TMEM132C: variants seen among roughly 807,000 people sequenced by gnomAD.
TMEM132C encodes transmembrane protein 132C.
In TMEM132C, 29 loss-of-function variants were observed where a neutral mutation model predicts 61.4. That is an observed-to-expected ratio of 0.47 (90% CI 0.35 to 0.64). The LOEUF (loss-of-function observed/expected upper bound fraction) is 0.64, where lower values mean the gene tolerates loss of function less well. Among genes scored for constraint, TMEM132C ranks in the 30% least tolerant of loss-of-function variants. The pLI, the probability that TMEM132C is intolerant of heterozygous loss-of-function variation, is 0.00. For synonymous variants in TMEM132C, 656 were observed against 633.1 expected (o/e 1.04, Z -0.54); for missense variants, 1,408 against 1,476.9 (o/e 0.95, Z 0.76).
At chr12:128,568,889 G>A (rs1268217606) in intron 3 of TMEM132C, among the ~76,000 whole-genome samples, 5 of 152,294 alleles carry the variant, frequency 3.3e-5, no homozygotes, top group Non-Finnish European at 7.3e-5. Flanking sequence ...GTTACCATGG[G>A]TTCTTTATGC....
intron 1 of TMEM132C, among the ~76,000 whole-genome samples, chr12:128,294,488 A>T (rs1043555720): frequency 6.6e-6 from 1 of 152,186 alleles, no homozygotes; most frequent in Non-Finnish European, 1.5e-5. Flanking sequence ...TGGCACTCTG[A>T]GCATGGGAAG....
At chr12:128,665,603 A>T (rs1316589715) in intron 4 of TMEM132C, among the ~76,000 whole-genome samples, 1 of 146,194 alleles carries the variant, frequency 6.8e-6, no homozygotes, top group Non-Finnish European at 1.5e-5. Context: ...ACAGGCACTC[A>T]CACATACCCA....
At chr12:128,469,517 A>G (rs972068882) in intron 2 of TMEM132C, among the ~76,000 whole-genome samples, 6 of 151,716 alleles carry the variant, frequency 4.0e-5, no homozygotes, top group Admixed American at 3.3e-4. Flanking sequence ...GGGTTTTGCT[A>G]TGTTGCCCAG....
intron 2 of TMEM132C, among the ~76,000 whole-genome samples, chr12:128,493,137 T>G (rs1274902441): frequency 1.3e-5 from 2 of 152,184 alleles, no homozygotes; most frequent in East Asian, 3.9e-4. Context: ...TTTTGTCAGG[T>G]TTGTCAAAGA....
In TMEM132C at chr12:128,449,293, G is replaced by A. The variant is rs143145546; in HGVS notation, c.974+33673G>A. Among the ~76,000 whole-genome samples, 1,118 of 152,170 alleles carry A rather than the reference G, an allele frequency of 7.3e-3. 11 individuals carry two copies. Among genetic ancestry groups the A allele is most frequent in the Middle Eastern group, 0.014 (4 of 294 alleles). The stretch of plus-strand genomic sequence containing the variant: ...GGGGGCATGTGCTCTCGGCTCCATC[G>A]TAGCTCCAGTCACTCCCTATAGTGC... On this transcript the variant is annotated intron_variant, in intron 2 of 8. Transcript: ENST00000435159.
chr12:128,636,564 T>TTGTGTGTGTGTG (rs61201583), intron 4 of TMEM132C, among the ~76,000 whole-genome samples: 47 of 142,346 alleles, frequency 3.3e-4, no homozygotes, highest in African/African-American at 1.2e-3. Flanking sequence ...GGGTTTTTGT[T>TTGTGTGTGTGTG]TGTGTGTGTG....
chr12:128,311,731 C>A (rs559129607), intron 1 of TMEM132C, among the ~76,000 whole-genome samples: 2 of 152,234 alleles, frequency 1.3e-5, no homozygotes, highest in African/African-American at 4.8e-5. Context: ...CACTTCACGT[C>A]GGTCCTGGCT....
At position 128,415,294 on chromosome 12, in the gene TMEM132C, G is replaced by A. The variant is rs1868729675; in HGVS notation, c.648G>A (p.Lys216=). The A allele has an allele frequency of 6.3e-7, 1 of 1,597,560 alleles. No homozygotes were observed. The highest frequency in any genetic ancestry group is 2.3e-5 in the East Asian group (1 of 43,840). ...CGACGGTGGGTGCCGGGAGGAAGAA[G>A]TCCATGGACCAGCCGGAGGGGACCC... ...SAPTVGAGRK[K]SMDQPEGTPV... is the part of the protein sequence containing the mutation. Residue 216 remains lysine (K), a synonymous_variant, in exon 2 of 9, where the codon AAG becomes AAA. Coordinates refer to ENST00000435159, the MANE Select transcript of TMEM132C (RefSeq NM_001136103.3). The surrounding 1 kb of genome is among the most constrained non-coding windows in gnomAD (Gnocchi z 5.8).
In TMEM132C at chr12:128,543,249, AT is replaced by A. The variant is rs1361501177; in HGVS notation, c.975-706del. 5.3e-5 allele frequency among the ~76,000 whole-genome samples: 8 copies of A among 152,276 alleles called. No individual in the cohort carries two copies. In the East Asian group the frequency reaches 1.4e-3, roughly 26 times the overall value. ...AATCGCTAACATTTATTAAGTGTGT[AT>A]TGTATGCCTGGCGCTGCTCTTGTTC... is the stretch of plus-strand genomic sequence containing the variant. On this transcript the variant is annotated intron_variant, in intron 2 of 8. Transcript: ENST00000435159.
intron 1 of TMEM132C, among the ~76,000 whole-genome samples, chr12:128,372,715 G>A (rs1448043605): frequency 1.3e-5 from 2 of 152,128 alleles, no homozygotes; most frequent in Admixed American, 6.5e-5. Context: ...GAGAGAAGTT[G>A]GAACTGAAAG....
intron 1 of TMEM132C, among the ~76,000 whole-genome samples, chr12:128,334,544 G>A (rs1872745963): frequency 6.6e-6 from 1 of 151,196 alleles, no homozygotes; most frequent in Non-Finnish European, 1.5e-5. Flanking sequence ...TAACCTACTT[G>A]AGTTTCCCCC....
chr12:128,552,926 A>AACAAAC (rs569430025), intron 3 of TMEM132C, among the ~76,000 whole-genome samples: 2 of 152,062 alleles, frequency 1.3e-5, no homozygotes, highest in African/African-American at 4.8e-5. Context: ...ACAAACAAAA[A>AACAAAC]AAAAGCATAA....
chr12:128,419,640 C>A (rs956528547), intron 2 of TMEM132C, among the ~76,000 whole-genome samples: 1 of 148,580 alleles, frequency 6.7e-6, no homozygotes. Context: ...TCTTTTCTAT[C>A]TGGAATTTTA....
intron 5 of TMEM132C, among the ~76,000 whole-genome samples, chr12:128,676,465 C>G (rs1954587935): frequency 6.6e-6 from 1 of 152,048 alleles, no homozygotes; most frequent in African/African-American, 2.4e-5. Flanking sequence ...TAAAATTTGT[C>G]TACAATAATA....
At chr12:128,513,219 C>T (rs1333748430) in intron 2 of TMEM132C, among the ~76,000 whole-genome samples, 3 of 152,028 alleles carry the variant, frequency 2.0e-5, no homozygotes, top group African/African-American at 4.8e-5. Context: ...AGGACTGCTT[C>T]GGGCACATCA....
At chr12:128,414,376 A>G (rs1366548114) in intron 1 of TMEM132C, among the ~76,000 whole-genome samples, 4 of 152,196 alleles carry the variant, frequency 2.6e-5, no homozygotes, top group Non-Finnish European at 5.9e-5. Context: ...TACCAGTGCC[A>G]TTAAGTACAT....
At chr12:128,386,844 A>G (rs1340750172) in intron 1 of TMEM132C, among the ~76,000 whole-genome samples, 1 of 152,176 alleles carries the variant, frequency 6.6e-6, no homozygotes, top group Non-Finnish European at 1.5e-5. Context: ...AAAACTGGAA[A>G]TGGGAACAGT....
rs139988651 is a variant in TMEM132C at position 128,649,217 on chromosome 12, C to T, written c.1306-20200C>T. ...ACACAGCCAAAGTGTATTAATCACA[C>T]TCATGCAAAGTGCGGTGCAGGTCAG... On this transcript the variant is annotated intron_variant, in intron 4 of 8. Transcript: ENST00000435159. 4.6e-5 allele frequency among the ~76,000 whole-genome samples: 7 copies of T among 152,324 alleles called. No homozygotes were observed. The East Asian group carries it at 1.4e-3, about 29-fold the overall frequency.
chr12:128,312,068 C>T (rs751196419), intron 1 of TMEM132C, among the ~76,000 whole-genome samples: 6 of 152,158 alleles, frequency 3.9e-5, no homozygotes, highest in Non-Finnish European at 5.9e-5. Context: ...TCAGGGCAGC[C>T]GGCTGGAGGT....
Sources: allele counts gnomAD v4.1 joint callset (sites outside exome capture counted in the v4.1 genomes callset), GRCh38; gene constraint gnomAD v4.1.1; non-coding constraint Gnocchi (gnomAD v3.1); transcripts MANE v1.5; gene names NCBI Gene and HGNC (gene_info 2026-07-23, HGNC 2026-07-21).